RHOBTB3: variants seen among roughly 807,000 people sequenced by gnomAD.
RHOBTB3 encodes the protein rho-related BTB domain-containing protein 3.
Under a neutral mutation model 67.2 loss-of-function variants are expected in RHOBTB3, and 47 were observed. The ratio of observed to expected loss-of-function variants is 0.70; its 90% CI spans 0.55 to 0.89. The LOEUF (loss-of-function observed/expected upper bound fraction) is 0.89, where lower values mean the gene tolerates loss of function less well. Ranked by LOEUF, RHOBTB3 falls within the 40% of genes least tolerant of loss-of-function variation. RHOBTB3 has a pLI of 0.00. For missense variants in RHOBTB3, 631 were observed against 750.0 expected (o/e 0.84, Z 1.85); for synonymous variants, 273 against 274.2 (o/e 1.00, Z 0.04).
At chr5:95,773,515 TG>T (rs1477625033) in intron 8 of RHOBTB3, among the ~76,000 whole-genome samples, 1 of 152,186 alleles carries the variant, frequency 6.6e-6, no homozygotes, top group Non-Finnish European at 1.5e-5. Context: ...GTTCCAGCCT[TG>T]GCTTTGCGTC....
Position 95,725,401 on chromosome 5 carries a change from G to A in RHOBTB3, n.134-6458G>A, listed in dbSNP as rs1755024732. 2.0e-5 allele frequency among the ~76,000 whole-genome samples: 3 copies of A among 152,222 alleles called. No individual in the cohort carries two copies. The South Asian group carries it at 6.2e-4, about 32-fold the overall frequency. On this transcript the variant is annotated intron_variant and non_coding_transcript_variant, in intron 1 of 5. Transcript: ENST00000504949. ...AGGTTGTAAAAATCTAATGAAAAAT[G>A]AATAATCATTACAAAAGCCAGGCTC...
chr5:95,736,928 A>AT lies in RHOBTB3; in HGVS notation c.270dup (p.Gly91TrpfsTer4). 6.2e-7 allele frequency: 1 copy of AT among 1,611,612 alleles called. No homozygotes were observed. Among genetic ancestry groups the AT allele is most frequent in the Non-Finnish European group, 8.5e-7 (1 of 1,179,328 alleles). ...TGATTGGTACACTTCTCGAAATCTA[A>AT]TTGGGGGCGCTGACATCATTGTGAT... On this transcript the variant is annotated frameshift_variant, in exon 3 of 12. Transcript: ENST00000379982. LOFTEE classifies it high-confidence loss of function.
At chr5:95,719,760 C>T (rs1323327555) in intron 1 of RHOBTB3, 1 of 152,194 alleles carries the variant, frequency 6.6e-6, no homozygotes, top group Non-Finnish European at 1.5e-5. Context: ...CCAATCTTTC[C>T]TAAATGGCTG....
At chr5:95,765,383 C>T (rs753697350) in intron 7 of RHOBTB3, among the ~76,000 whole-genome samples, 6 of 152,104 alleles carry the variant, frequency 3.9e-5, no homozygotes, top group African/African-American at 9.7e-5. Flanking sequence ...CTGGGTGATA[C>T]GATTCCATGG....
At chr5:95,783,713 T>C (rs1313371553) in intron 9 of RHOBTB3, 84 bp from the exon 10 acceptor site, 1 of 1,169,546 alleles carries the variant, frequency 8.6e-7, no homozygotes, top group Non-Finnish European at 1.2e-6. Flanking sequence ...TTTTTAATTG[T>C]TGTTTTTTGT....
At chr5:95,737,486 G>C (rs1486480510) in intron 3 of RHOBTB3, among the ~76,000 whole-genome samples, 8 of 152,200 alleles carry the variant, frequency 5.3e-5, no homozygotes, top group Non-Finnish European at 1.2e-4. Flanking sequence ...ATAACAATGA[G>C]TGAGCTGGAA....
intron 8 of RHOBTB3, among the ~76,000 whole-genome samples, chr5:95,779,597 C>T (rs776576606): frequency 3.3e-5 from 5 of 152,206 alleles, no homozygotes; most frequent in Admixed American, 1.3e-4. Context: ...CAAAATTCAA[C>T]GTAGCACTGG....
At chr5:95,779,721 G>T (rs1232136022) in intron 8 of RHOBTB3, among the ~76,000 whole-genome samples, 1 of 152,184 alleles carries the variant, frequency 6.6e-6, no homozygotes, top group African/African-American at 2.4e-5. Flanking sequence ...CATTAAGTCT[G>T]AAATGCTCTC....
chr5:95,730,414 G>A (rs1447120042), upstream of RHOBTB3, among the ~76,000 whole-genome samples: 1 of 152,230 alleles, frequency 6.6e-6, no homozygotes, highest in Non-Finnish European at 1.5e-5. Flanking sequence ...CCATTTTGGT[G>A]TTAGTAAGTG....
chr5:95,793,166 G>A lies in RHOBTB3; in HGVS notation c.1828G>A (p.Val610Ile). The stretch of plus-strand genomic sequence containing the variant: ...TCACTCCCGGAAATGTCGTTGCTTA[G>A]TAATGTAACCTGGAGCTTTTATACA... ...YIHSRKCRCL[V>I]M The change falls in exon 12 of 12, where the codon GTA becomes ATA. Residue 610 changes from valine (V) to isoleucine (I), a missense_variant. Physicochemically the swap from Val to Ile is conservative, Grantham distance 29 (BLOSUM62 3). Transcript: ENST00000379982. 6.2e-7 allele frequency: 1 copy of A among 1,603,626 alleles called. No individual in the cohort carries two copies. Among genetic ancestry groups the A allele is most frequent in the Non-Finnish European group, 8.5e-7 (1 of 1,172,086 alleles).
intron 10 of RHOBTB3, among the ~76,000 whole-genome samples, chr5:95,785,665 C>T (rs1746204965): frequency 6.6e-6 from 1 of 151,996 alleles, no homozygotes; most frequent in African/African-American, 2.4e-5. Context: ...TGATAAATAG[C>T]TCCCCTCTAA....
At chr5:95,772,770 A>G (rs1452984216) in intron 8 of RHOBTB3, among the ~76,000 whole-genome samples, 2 of 152,218 alleles carry the variant, frequency 1.3e-5, no homozygotes, top group Admixed American at 6.5e-5. Flanking sequence ...TGGTAGTAAG[A>G]TTAATCATCC....
intron 8 of RHOBTB3, among the ~76,000 whole-genome samples, chr5:95,779,850 G>A (rs879520791): frequency 6.6e-6 from 1 of 152,170 alleles, no homozygotes; most frequent in Non-Finnish European, 1.5e-5. Flanking sequence ...GGTTCTGTGA[G>A]TCAGGCCCAG....
intron 3 of RHOBTB3, among the ~76,000 whole-genome samples, chr5:95,746,056 T>C (rs1006291197): frequency 5.9e-5 from 9 of 152,104 alleles, no homozygotes; most frequent in African/African-American, 2.2e-4. Flanking sequence ...TAATATGGTG[T>C]AGAAAGACTA....
rs568058044 is a variant in RHOBTB3 at position 95,746,411 on chromosome 5, G to A, written c.416-1922G>A. ...AGATATAAGAAGGCCTCTGTTTTCA[G>A]AAAATCAAAGGCACTGTTTAGGAAG... On this transcript the variant is annotated intron_variant, in intron 3 of 11. Transcript: ENST00000379982. Among the ~76,000 whole-genome samples, 248 of 152,186 alleles carry A rather than the reference G, an allele frequency of 1.6e-3. 1 individual carries two copies. The highest frequency in any genetic ancestry group is 3.4e-3 in the Middle Eastern group (1 of 294).
intron 2 of RHOBTB3, 30 bp from the exon 3 acceptor site, chr5:95,736,859 C>CT: frequency 6.9e-7 from 1 of 1,447,812 alleles, no homozygotes; most frequent in Non-Finnish European, 9.4e-7. Flanking sequence ...GATAAGTAGA[C>CT]TAAAGATTGC....
At chr5:95,736,250 G>A (rs974004213) in intron 2 of RHOBTB3, among the ~76,000 whole-genome samples, 7 of 152,114 alleles carry the variant, frequency 4.6e-5, no homozygotes, top group Admixed American at 3.9e-4. Flanking sequence ...GGCAAAATAC[G>A]TGAATTGAAA....
intron 11 of RHOBTB3, among the ~76,000 whole-genome samples, chr5:95,790,034 T>G (rs1356277811): frequency 1.3e-5 from 2 of 152,200 alleles, no homozygotes; most frequent in Admixed American, 6.5e-5. Context: ...CAGCTACTTG[T>G]GCAGTTAAAG....
chr5:95,753,967 G>A lies in RHOBTB3; in HGVS notation c.683-1429G>A, dbSNP rs1291985646. ...TCTACTAAAAATACAAAAATTAGCCGGGCATGATGGCGACGCCTGTAGTCC... is the reference window on the plus strand; with the variant it reads ...TCTACTAAAAATACAAAAATTAGCCAGGCATGATGGCGACGCCTGTAGTCC... On this transcript the variant is annotated intron_variant, in intron 5 of 11. Coordinates refer to ENST00000379982, the MANE Select transcript of RHOBTB3 (RefSeq NM_014899.4). Among the ~76,000 whole-genome samples the A allele has an allele frequency of 3.9e-5, 6 of 152,120 alleles. No individual in the cohort carries two copies. In the South Asian group the frequency reaches 6.2e-4, roughly 16 times the overall value.
Sources: gnomAD v4.1 joint callset for allele counts (sites outside exome capture counted in the v4.1 genomes callset) on GRCh38, gnomAD v4.1.1 for gene constraint, MANE v1.5 for transcripts, NCBI Gene and HGNC (gene_info 2026-07-23, HGNC 2026-07-21) for gene names.